EMB: variants seen among roughly 807,000 people sequenced by gnomAD.
The protein encoded by EMB is embigin.
Under a neutral mutation model 41.4 loss-of-function variants are expected in EMB, and 31 were observed. The ratio of observed to expected loss-of-function variants is 0.75; its 90% CI spans 0.56 to 1.01. EMB has a LOEUF of 1.01. Among genes scored for constraint, EMB ranks in the 50% least tolerant of loss-of-function variants. EMB has a pLI of 0.00. For missense variants in EMB, 379 were observed against 388.3 expected (o/e 0.98, Z 0.20); for synonymous variants, 137 against 140.4 (o/e 0.98, Z 0.17).
At position 50,406,205 on chromosome 5, in the gene EMB, A is replaced by T. The variant is rs1362589683; in HGVS notation, c.473-353T>A. Reference sequence around the variant, plus strand: ...CCCACCTACTAAGTTACCTTAGAGTAATTATTTTCTTCAAAGTTTTAACCT... The same window carrying T: ...CCCACCTACTAAGTTACCTTAGAGTTATTATTTTCTTCAAAGTTTTAACCT... On this transcript the variant is annotated intron_variant, in intron 4 of 8. Transcript: ENST00000303221. 1.8e-4 allele frequency among the ~76,000 whole-genome samples: 27 copies of T among 151,804 alleles called. No individual in the cohort carries two copies. The Admixed American group carries it at 1.8e-3, about 10-fold the overall frequency.
intron 1 of EMB, among the ~76,000 whole-genome samples, chr5:50,435,263 A>G (rs776345662): frequency 1.5e-4 from 23 of 152,144 alleles, no homozygotes; most frequent in Admixed American, 1.3e-4. Flanking sequence ...TCTATTTCCT[A>G]CAAAGGACAT....
intron 1 of EMB, among the ~76,000 whole-genome samples, chr5:50,434,247 C>T (rs1410099595): frequency 3.9e-5 from 6 of 152,130 alleles, no homozygotes; most frequent in South Asian, 2.1e-4. Flanking sequence ...AATTATCCAG[C>T]GGAAAATGCC....
At chr5:50,427,461 CAA>C (rs1745630300) in intron 2 of EMB, among the ~76,000 whole-genome samples, 1 of 151,408 alleles carries the variant, frequency 6.6e-6, no homozygotes, top group African/African-American at 2.4e-5. Flanking sequence ...AAATCTTTGT[CAA>C]AAACAAATCC....
At chr5:50,440,877 G>A (rs946434415) in intron 1 of EMB, among the ~76,000 whole-genome samples, 163 bp downstream of exon 1, 1 of 152,070 alleles carries the variant, frequency 6.6e-6, no homozygotes, top group African/African-American at 2.4e-5. Flanking sequence ...CACAAACGTA[G>A]CTAATGGGAG....
rs551568074 is a variant in EMB at position 50,431,884 on chromosome 5, A to G, written c.113-3657T>C. On this transcript the variant is annotated intron_variant, in intron 1 of 8. Coordinates refer to ENST00000303221, the MANE Select transcript of EMB (RefSeq NM_198449.3). ...CATCAAAGAAGTGAGTAACATCTTA[A>G]TTTTCACCTGTTATAATTTTCTGTG... 3.9e-5 allele frequency among the ~76,000 whole-genome samples: 6 copies of G among 152,294 alleles called. No homozygotes were observed. The South Asian group carries it at 1.0e-3, about 26-fold the overall frequency.
intron 2 of EMB, among the ~76,000 whole-genome samples, chr5:50,413,984 C>A (rs1236404926): frequency 6.6e-6 from 1 of 151,908 alleles, no homozygotes; most frequent in South Asian, 2.1e-4. Flanking sequence ...AAAAGAAAAG[C>A]AAAACTGAAC....
At chr5:50,425,006 A>C (rs1305706914) in intron 2 of EMB, among the ~76,000 whole-genome samples, 1 of 152,092 alleles carries the variant, frequency 6.6e-6, no homozygotes, top group African/African-American at 2.4e-5. Context: ...TTCTCTGTGC[A>C]TCAACAGTCT....
intron 2 of EMB, among the ~76,000 whole-genome samples, chr5:50,421,192 GAACCCAATTT>G (rs1745516149): frequency 6.6e-6 from 1 of 152,084 alleles, no homozygotes; most frequent in Non-Finnish European, 1.5e-5. Flanking sequence ...ATTTTTTACA[GAACCCAATTT>G]TAAGAAATGC....
At chr5:50,426,984 C>G (rs1280201133) in intron 2 of EMB, among the ~76,000 whole-genome samples, 1 of 151,496 alleles carries the variant, frequency 6.6e-6, no homozygotes, top group African/African-American at 2.4e-5. Flanking sequence ...CCTGGTATAA[C>G]TTTAAGACCA....
chr5:50,417,437 A>T (rs1745447522), intron 2 of EMB, among the ~76,000 whole-genome samples: 1 of 152,212 alleles, frequency 6.6e-6, no homozygotes, highest in Non-Finnish European at 1.5e-5. Context: ...AATAAGTCTC[A>T]TATGGATTGA....
At chr5:50,417,339 A>T (rs780000204) in intron 2 of EMB, among the ~76,000 whole-genome samples, 17 of 152,232 alleles carry the variant, frequency 1.1e-4, no homozygotes, top group Non-Finnish European at 1.9e-4. Flanking sequence ...TTAACTTATG[A>T]ATAAGAATAA....
intron 1 of EMB, among the ~76,000 whole-genome samples, chr5:50,434,260 C>A (rs7706986): frequency 0.015 from 2,250 of 152,300 alleles, 44 homozygotes; most frequent in African/African-American, 0.052. Flanking sequence ...AAAATGCCAA[C>A]AGTACCAAAG....
intron 2 of EMB, among the ~76,000 whole-genome samples, chr5:50,427,868 T>A (rs567928495): frequency 3.3e-5 from 5 of 152,076 alleles, no homozygotes; most frequent in Admixed American, 1.3e-4. Context: ...AACATAAGAG[T>A]ATCTGCAAAT....
At chr5:50,433,468 T>A (rs559325465) in intron 1 of EMB, among the ~76,000 whole-genome samples, 2 of 152,306 alleles carry the variant, frequency 1.3e-5, no homozygotes, top group African/African-American at 4.8e-5. Flanking sequence ...AAAAACTTAT[T>A]AAAAAATAAA....
rs182672354 is a variant in EMB at position 50,424,168 on chromosome 5, C to T, written c.196+3976G>A. ...TCATGCCCTGATCACCAATTTTGAT[C>T]GGTAGAAACTTCTTTACTTTTGTGT... is the stretch of plus-strand genomic sequence containing the variant. On this transcript the variant is annotated intron_variant, in intron 2 of 8. Transcript: ENST00000303221. Among the ~76,000 whole-genome samples, 919 of 152,160 alleles carry T rather than the reference C, an allele frequency of 6.0e-3. 3 individuals carry two copies. The highest frequency in any genetic ancestry group is 9.3e-3 in the Non-Finnish European group (630 of 67,986).
At chr5:50,427,927 T>C (rs1391990287) in intron 2 of EMB, among the ~76,000 whole-genome samples, 1 of 152,164 alleles carries the variant, frequency 6.6e-6, no homozygotes, top group East Asian at 1.9e-4. Context: ...GGGGAGCCAT[T>C]CTTAGCCTTG....
intron 7 of EMB, among the ~76,000 whole-genome samples, chr5:50,400,586 G>C (rs1745145747): frequency 6.6e-6 from 1 of 151,866 alleles, no homozygotes; most frequent in South Asian, 2.1e-4. Context: ...TGGCCACTAA[G>C]AAAACACCTC....
intron 2 of EMB, chr5:50,411,657 G>C (rs936160467): frequency 4.3e-5 from 8 of 184,818 alleles, no homozygotes; most frequent in Admixed American, 2.6e-4. Flanking sequence ...GCAGAATATA[G>C]GGTAGAGAGT....
At chr5:50,426,384 G>A (rs1745610858) in intron 2 of EMB, among the ~76,000 whole-genome samples, 1 of 152,188 alleles carries the variant, frequency 6.6e-6, no homozygotes, top group African/African-American at 2.4e-5. Context: ...TCAACATCAT[G>A]AGTTTGTTAA....
Sources: gnomAD v4.1 joint callset for allele counts (sites outside exome capture counted in the v4.1 genomes callset) on GRCh38, gnomAD v4.1.1 for gene constraint, MANE v1.5 for transcripts, NCBI Gene and HGNC (gene_info 2026-07-23, HGNC 2026-07-21) for gene names.